GPR161: variants seen among roughly 807,000 people sequenced by gnomAD.
GPR161 encodes G protein-coupled receptor 161.
A neutral mutation model predicts 39.2 loss-of-function variants in GPR161; 25 were observed. The observed-to-expected ratio is 0.64, with a 90% confidence interval of 0.47 to 0.89. The LOEUF (loss-of-function observed/expected upper bound fraction) is 0.89. Ranked by LOEUF, GPR161 falls within the 40% of genes least tolerant of loss-of-function variation. The probability of loss-of-function intolerance (pLI) is 0.00; values close to 1 mark genes in which losing one functional copy is unlikely to be tolerated. For synonymous variants in GPR161, 286 were observed against 276.6 expected (o/e 1.03, Z -0.34); for missense variants, 547 against 677.8 (o/e 0.81, Z 2.14).
intron 1 of GPR161, among the ~76,000 whole-genome samples, chr1:168,119,268 G>GTA (rs1558130126): frequency 1.0e-5 from 1 of 100,174 alleles, no homozygotes; most frequent in South Asian, 2.7e-4. Flanking sequence ...GTATATATAT[G>GTA]TGTATATATA....
rs924569360 is a variant in GPR161, at chr1:168,080,804, G to A, written c.*4727C>T. 2.0e-5 allele frequency: 3 copies of A among 152,218 alleles called. No homozygotes were observed. The highest frequency in any genetic ancestry group is 4.4e-5 in the Non-Finnish European group (3 of 68,050). The allele number at this position is 152,218 out of a possible 1,614,324, so 9.4% of individuals were successfully genotyped here. A position where few individuals can be genotyped will look rare whatever the true frequency, so the allele number is the denominator to read the frequency against. On this transcript the variant is annotated 3_prime_UTR_variant, in exon 6 of 6. Coordinates refer to ENST00000682931, the MANE Select transcript of GPR161 (RefSeq NM_001375883.1). ...TTGATCATCTTTGATAGTCATTCCGGACAAATTAGAATGATTTTATCTTTG... is the reference window on the plus strand; with the variant it reads ...TTGATCATCTTTGATAGTCATTCCGAACAAATTAGAATGATTTTATCTTTG...
In GPR161 at chr1:168,098,301, C is replaced by G. The variant is rs376376559; in HGVS notation, c.375-1069G>C. ...AGGAAGCAGGCCGGGTGGACGGGGC[C>G]GGGGCATGCAGAGCTAAGGACTGTA... On this transcript the variant is annotated intron_variant, in intron 2 of 5. Coordinates refer to ENST00000682931, the MANE Select transcript of GPR161 (RefSeq NM_001375883.1). This position sits in a 1 kb window ranked among gnomAD's most constrained non-coding sequence, Gnocchi z 4.1. 3.3e-5 allele frequency among the ~76,000 whole-genome samples: 5 copies of G among 152,136 alleles called. No individual in the cohort carries two copies. The highest frequency in any genetic ancestry group is 9.7e-5 in the African/African-American group (4 of 41,420).
Position 168,085,666 on chromosome 1 carries a change from T to G in GPR161, c.1455A>C (p.Pro485=). The G allele has an allele frequency of 1.9e-6, 3 of 1,614,208 alleles. No individual in the cohort carries two copies. Among genetic ancestry groups the G allele is most frequent in the Non-Finnish European group, 2.5e-6 (3 of 1,180,038 alleles). Residue 485 remains proline (P), a synonymous_variant, in exon 6 of 6, where the codon CCA becomes CCC. Transcript: ENST00000682931. ...CAGTCCGTGCTGTAACCAAGACCCC[T>G]GGCAAAGCCTCCTCCCCAAATAAGT... ...KINLFGEEAL[P]GVLVTARTVP...
intron 1 of GPR161, among the ~76,000 whole-genome samples, chr1:168,116,161 C>T (rs1453672996): frequency 6.6e-6 from 1 of 152,204 alleles, no homozygotes; most frequent in Non-Finnish European, 1.5e-5. Context: ...TCCTCCTCCA[C>T]AGGCTCCTTT....
intron 1 of GPR161, among the ~76,000 whole-genome samples, chr1:168,105,096 C>T (rs1470334183): frequency 6.6e-6 from 1 of 152,124 alleles, no homozygotes; most frequent in Non-Finnish European, 1.5e-5. Flanking sequence ...CATTACATCC[C>T]CCTGACCAAT....
chr1:168,116,365 A>C (rs1697631499), intron 1 of GPR161, among the ~76,000 whole-genome samples: 1 of 152,180 alleles, frequency 6.6e-6, no homozygotes, highest in Admixed American at 6.5e-5. Context: ...CACTTCCAAC[A>C]AGTCCAGGTG....
intron 4 of GPR161, 84 bp downstream of exon 4, chr1:168,090,480 C>T: frequency 1.4e-6 from 1 of 731,624 alleles, no homozygotes; most frequent in Non-Finnish European, 2.3e-6. Context: ...AGCTCTTGAG[C>T]CTGCACAGGG....
rs562236242 is a variant in GPR161, at chr1:168,110,477, C to T, written c.-44-5583G>A. 5.2e-3 allele frequency among the ~76,000 whole-genome samples: 654 copies of T among 124,604 alleles called. 4 individuals carry two copies. The highest frequency in any genetic ancestry group is 0.019 in the African/African-American group (610 of 32,364). 81.7% of individuals were successfully genotyped at this position (124,604 alleles called of 152,430 possible). ...TCACACCACTGCACTCCAGCCTAGA[C>T]GACAGAGTGAGACCCTGTCAACATT... On this transcript the variant is annotated intron_variant, in intron 1 of 5. Coordinates refer to ENST00000682931, the MANE Select transcript of GPR161 (RefSeq NM_001375883.1).
rs191090776 is a variant in GPR161, at chr1:168,104,349, C to T, written c.374+128G>A. ...AGAGATGGCTCCAGAGGCAGAACTC[C>T]ACCTGGTCATCCTCCCCCAGCAAGG... On this transcript the variant is annotated intron_variant, in intron 2 of 5. Coordinates refer to ENST00000682931, the MANE Select transcript of GPR161 (RefSeq NM_001375883.1). The T allele has an allele frequency of 1.4e-5, 10 of 700,166 alleles. No individual in the cohort carries two copies. In the African/African-American group the frequency reaches 1.6e-4, roughly 11 times the overall value. 43.4% of individuals were successfully genotyped at this position (700,166 alleles called of 1,614,324 possible). A position where few individuals can be genotyped will look rare whatever the true frequency, so the allele number is the denominator to read the frequency against.
intron 2 of GPR161, among the ~76,000 whole-genome samples, chr1:168,101,537 A>T (rs1314851936): frequency 6.6e-6 from 1 of 152,202 alleles, no homozygotes; most frequent in African/African-American, 2.4e-5. Context: ...GATGGTGTAC[A>T]ATGACAAAGC....
intron 2 of GPR161, among the ~76,000 whole-genome samples, chr1:168,101,205 T>C (rs1332889544): frequency 1.3e-5 from 2 of 152,080 alleles, no homozygotes; most frequent in African/African-American, 4.8e-5. Flanking sequence ...TGTATACAGG[T>C]GCCATGTTGG....
intron 1 of GPR161, among the ~76,000 whole-genome samples, chr1:168,129,672 G>A (rs1037748982): frequency 6.6e-6 from 1 of 152,216 alleles, no homozygotes; most frequent in Non-Finnish European, 1.5e-5. Flanking sequence ...GAGGCCTTCA[G>A]AGTAATTCAT....
chr1:168,093,923 CAAG>C (rs1695291369), intron 3 of GPR161, among the ~76,000 whole-genome samples: 1 of 152,188 alleles, frequency 6.6e-6, no homozygotes. Flanking sequence ...CAGGGAAGAA[CAAG>C]AAGAACCATC....
At chr1:168,096,301 G>T (rs1163313890) in intron 3 of GPR161, among the ~76,000 whole-genome samples, 3 of 152,178 alleles carry the variant, frequency 2.0e-5, no homozygotes, top group African/African-American at 7.2e-5. Context: ...TGCTGGCCTT[G>T]TCAGCATGGC....
Position 168,093,197 on chromosome 1 carries a change from C to T in GPR161, c.1100-2529G>A, listed in dbSNP as rs1030792939. Among the ~76,000 whole-genome samples, 9 of 152,242 alleles carry T rather than the reference C, an allele frequency of 5.9e-5. No homozygotes were observed. The South Asian group carries it at 6.2e-4, about 11-fold the overall frequency. On this transcript the variant is annotated intron_variant, in intron 3 of 5. Transcript: ENST00000682931. The stretch of plus-strand genomic sequence containing the variant: ...ACCTATCTGCCACATGGTGGTGCTG[C>T]GTGGCAACCTCCAGGAAGTCCAGAG...
Position 168,134,607 on chromosome 1 carries a change from G to A in GPR161, c.-45+2132C>T, listed in dbSNP as rs142105910. Among the ~76,000 whole-genome samples the A allele has an allele frequency of 1.9e-3, 288 of 152,250 alleles. 1 individual carries two copies. Among genetic ancestry groups the A allele is most frequent in the African/African-American group, 6.7e-3 (277 of 41,546 alleles). ...CTTCCCAAGGTCTCACACAGAAGACGCAAGCAGCCTGCACACATAATTTGG... is the reference window on the plus strand; with the variant it reads ...CTTCCCAAGGTCTCACACAGAAGACACAAGCAGCCTGCACACATAATTTGG... On this transcript the variant is annotated intron_variant, in intron 1 of 5. Coordinates refer to ENST00000682931, the MANE Select transcript of GPR161 (RefSeq NM_001375883.1).
intron 4 of GPR161, chr1:168,088,503 C>T (rs912009921): frequency 2.0e-5 from 3 of 152,192 alleles, no homozygotes; most frequent in African/African-American, 7.2e-5. Flanking sequence ...AGAGAAGAAA[C>T]AGTCCTTTGG....
chr1:168,106,452 T>C (rs1317759299), intron 1 of GPR161, among the ~76,000 whole-genome samples: 1 of 152,206 alleles, frequency 6.6e-6, no homozygotes, highest in East Asian at 1.9e-4. Context: ...TATCCGGGAA[T>C]GGTCGTACAT....
At chr1:168,126,221 G>A (rs1698578441) in intron 1 of GPR161, among the ~76,000 whole-genome samples, 1 of 152,144 alleles carries the variant, frequency 6.6e-6, no homozygotes, top group Admixed American at 6.5e-5. Flanking sequence ...CATGCAGCCT[G>A]GGAGAGCTCA....
Sources: gnomAD v4.1 joint callset for allele counts (sites outside exome capture counted in the v4.1 genomes callset) on GRCh38, gnomAD v4.1.1 for gene constraint, Gnocchi (gnomAD v3.1) non-coding constraint, MANE v1.5 for transcripts, NCBI Gene and HGNC (gene_info 2026-07-23, HGNC 2026-07-21) for gene names.